Variants in PLXDC2 observed in about 807,000 individuals in gnomAD.
PLXDC2 encodes the protein plexin domain-containing protein 2.
PLXDC2 carries 40 observed loss-of-function variants against 68.9 expected under a neutral mutation model. That is an observed-to-expected ratio of 0.58 (90% confidence interval 0.45 to 0.76). The LOEUF is 0.76. Ranked by LOEUF, PLXDC2 falls within the 30% of genes least tolerant of loss-of-function variation. The probability of loss-of-function intolerance (pLI) is 0.00; values close to 1 mark genes in which losing one functional copy is unlikely to be tolerated. For synonymous variants in PLXDC2, 243 were observed against 234.2 expected, an observed-to-expected ratio of 1.04 and a Z score of -0.34; for missense variants, 644 against 661.9, an observed-to-expected ratio of 0.97 and a Z score of 0.30.
intron 4 of PLXDC2, among the ~76,000 whole-genome samples, chr10:20,087,376 G>T (rs970560472): frequency 2.6e-5 from 4 of 151,588 alleles, no homozygotes; most frequent in African/African-American, 9.7e-5. Context: ...TACTAAAAAT[G>T]GTTGGCTTGC....
At chr10:19,914,590 T>C (rs892138392) in intron 1 of PLXDC2, among the ~76,000 whole-genome samples, 2 of 152,210 alleles carry the variant, frequency 1.3e-5, no homozygotes, top group African/African-American at 2.4e-5. Flanking sequence ...ATTTATAGCA[T>C]AGTAAAGAGA....
At position 20,164,492 on chromosome 10, in the gene PLXDC2, A is replaced by G. The variant is rs1589661020; in HGVS notation, c.808A>G (p.Ser270Gly). The change falls in exon 7 of 14, where the codon AGT becomes GGT. Residue 270 changes from serine (S) to glycine (G), a missense_variant. This residue lies in a region of PLXDC2 where 330 missense variants were observed against 327.9 expected (regional missense o/e 1.01). Transcript: ENST00000377252. The stretch of plus-strand genomic sequence containing the variant: ...GATTCCTGTCTTGGTCACACAGATA[A>G]GTTCAACCAATCATCCAGTGAAAGT... ...KEIPVLVTQISSTNHPVKVGL... is the reference protein window; with the variant it reads ...KEIPVLVTQIGSTNHPVKVGL... 1 of 1,613,462 alleles carries G rather than the reference A, an allele frequency of 6.2e-7. No individual in the cohort carries two copies. Among genetic ancestry groups the G allele is most frequent in the Non-Finnish European group, 8.5e-7 (1 of 1,179,596 alleles).
chr10:20,123,472 G>A (rs145850434), intron 4 of PLXDC2, among the ~76,000 whole-genome samples: 199 of 151,992 alleles, frequency 1.3e-3, no homozygotes, highest in African/African-American at 2.4e-3. Context: ...CGAAAGTGCC[G>A]TTTTCTGGCT....
At chr10:19,874,394 T>A (rs1043093721) in intron 1 of PLXDC2, among the ~76,000 whole-genome samples, 11 of 152,112 alleles carry the variant, frequency 7.2e-5, no homozygotes, top group African/African-American at 1.2e-4. Context: ...AGAAATAGAG[T>A]CTTCCTAAGT....
chr10:20,001,190 A>G (rs1429538070), intron 1 of PLXDC2, among the ~76,000 whole-genome samples: 1 of 152,208 alleles, frequency 6.6e-6, no homozygotes, highest in Non-Finnish European at 1.5e-5. Flanking sequence ...TGAGGGTCTT[A>G]CTTATTAAAT....
intron 1 of PLXDC2, among the ~76,000 whole-genome samples, chr10:19,979,552 A>G (rs1589567399): frequency 2.0e-5 from 3 of 152,076 alleles, no homozygotes; most frequent in East Asian, 3.9e-4. Context: ...TTGTATTTTT[A>G]GCCAAGGTGG....
At position 20,164,551 on chromosome 10, in the gene PLXDC2, G is replaced by T. The variant is rs767193354; in HGVS notation, c.867G>T (p.Arg289Ser). 10 of 1,612,228 alleles carry T rather than the reference G, an allele frequency of 6.2e-6. No homozygotes were observed. The highest frequency in any genetic ancestry group is 7.6e-6 in the Non-Finnish European group (9 of 1,178,602). ...GLSDAFVVVHRIQQIPNVRRR... is the reference protein window; with the variant it reads ...GLSDAFVVVHSIQQIPNVRRR... The stretch of plus-strand genomic sequence containing the variant: ...CCGATGCATTTGTCGTTGTCCACAG[G>T]ATCCAACAAATTCCCAGTACGTAGA... The change falls in exon 7 of 14, where the codon AGG becomes AGT. Residue 289 changes from arginine to serine, a missense_variant. Around this residue, in one of 3 missense-constraint regions of PLXDC2, gnomAD observed 330 missense variants for 327.9 expected, o/e 1.01. Transcript: ENST00000377252.
chr10:19,878,222 G>A (rs1837669547), intron 1 of PLXDC2, among the ~76,000 whole-genome samples: 1 of 150,188 alleles, frequency 6.7e-6, no homozygotes, highest in South Asian at 2.1e-4. Context: ...TTTTTAAAGA[G>A]ATAGAGTCTC....
intron 12 of PLXDC2, among the ~76,000 whole-genome samples, chr10:20,230,593 G>T (rs1588531781): frequency 6.7e-6 from 1 of 148,794 alleles, no homozygotes; most frequent in South Asian, 2.1e-4. Context: ...GATCTCCTGA[G>T]CCCAGGAGGT....
intron 1 of PLXDC2, among the ~76,000 whole-genome samples, chr10:19,975,382 C>G (rs1161995462): frequency 6.6e-6 from 1 of 152,008 alleles, no homozygotes; most frequent in African/African-American, 2.4e-5. Context: ...GACGTGAACC[C>G]AGGAGGCAGA....
intron 1 of PLXDC2, among the ~76,000 whole-genome samples, chr10:19,870,901 A>T (rs1187128872): frequency 6.6e-6 from 1 of 152,238 alleles, no homozygotes; most frequent in Non-Finnish European, 1.5e-5. Context: ...CATGTAATAC[A>T]TACAGCAAAG....
chr10:19,879,523 A>T (rs1357866669), intron 1 of PLXDC2, among the ~76,000 whole-genome samples: 2 of 152,120 alleles, frequency 1.3e-5, no homozygotes, highest in Non-Finnish European at 2.9e-5. Flanking sequence ...AAGTGCTTGT[A>T]TTTCGACAAA....
intron 1 of PLXDC2, among the ~76,000 whole-genome samples, chr10:19,979,519 C>G (rs1316348105): frequency 6.6e-6 from 1 of 150,982 alleles, no homozygotes; most frequent in African/African-American, 2.4e-5. Context: ...ATTGCAGGCA[C>G]CCACGACCAT....
chr10:20,244,084 GA>G (rs915578577), intron 12 of PLXDC2, among the ~76,000 whole-genome samples: 47 of 144,074 alleles, frequency 3.3e-4, no homozygotes, highest in African/African-American at 8.7e-4. Context: ...AACAAAGAAA[GA>G]AAAAAAAAAG....
At position 19,943,243 on chromosome 10, in the gene PLXDC2, C is replaced by CT. The variant is rs61397731; in HGVS notation, c.113-58521dup. On this transcript the variant is annotated intron_variant, in intron 1 of 13. Transcript: ENST00000377252. ...TTTGCTGTTTGCTGATTTGATAGAACTTTTTTTTTTTCTTATAAGTGTTCT... is the reference window on the plus strand; with the variant it reads ...TTTGCTGTTTGCTGATTTGATAGAACTTTTTTTTTTTTCTTATAAGTGTTCT... 1.9e-4 allele frequency among the ~76,000 whole-genome samples: 28 copies of CT among 150,358 alleles called. No individual in the cohort carries two copies. In the East Asian group the frequency reaches 3.7e-3, roughly 20 times the overall value.
Position 20,211,721 on chromosome 10 carries a change from C to T in PLXDC2, c.1114C>T (p.Pro372Ser). 2 of 1,612,798 alleles carry T rather than the reference C, an allele frequency of 1.2e-6. No homozygotes were observed. The highest frequency in any genetic ancestry group is 1.7e-5 in the Admixed American group (1 of 59,948). ...GCAGGACTGGGTGGACAGTGGATGC[C>T]CTGAAGAGGTACACATGCTTTATTG... ...HRQDWVDSGC[P>S]EESKEKMCEN... Residue 372 changes from proline (P) to serine (S), a missense_variant, in exon 10 of 14, where the codon CCT becomes TCT. This residue lies in a region of PLXDC2 where 330 missense variants were observed against 327.9 expected (regional missense o/e 1.01). Coordinates refer to ENST00000377252, the MANE Select transcript of PLXDC2 (RefSeq NM_032812.9).
At chr10:20,101,702 T>C (rs577279184) in intron 4 of PLXDC2, among the ~76,000 whole-genome samples, 4 of 152,274 alleles carry the variant, frequency 2.6e-5, no homozygotes, top group South Asian at 2.1e-4. Context: ...TTGACCTCTT[T>C]GTGGGATTAG....
chr10:20,103,521 GT>G (rs1833449053), intron 4 of PLXDC2, among the ~76,000 whole-genome samples: 1 of 151,926 alleles, frequency 6.6e-6, no homozygotes, highest in South Asian at 2.1e-4. Flanking sequence ...AAAGAATGTT[GT>G]AAAGGGGTGC....
chr10:19,972,450 A>G (rs1834370914), intron 1 of PLXDC2, among the ~76,000 whole-genome samples: 1 of 152,206 alleles, frequency 6.6e-6, no homozygotes, highest in African/African-American at 2.4e-5. Context: ...CTTGAGGGTG[A>G]AGGGTGGGAG....
Sources: gnomAD v4.1 joint callset for allele counts (sites outside exome capture counted in the v4.1 genomes callset) on GRCh38, gnomAD v4.1.1 for gene constraint, gnomAD v4.1.1 regional missense constraint, MANE v1.5 for transcripts, NCBI Gene and HGNC (gene_info 2026-07-23, HGNC 2026-07-21) for gene names.